HELLS: variants seen among roughly 807,000 people sequenced by gnomAD.
The protein encoded by HELLS is lymphoid-specific helicase.
Under a neutral mutation model 120.0 loss-of-function variants are expected in HELLS, and 32 were observed. The observed-to-expected ratio is 0.27, with a 90% CI of 0.20 to 0.36. The LOEUF is 0.36. HELLS is among the 10% of genes least tolerant of loss of function. The pLI, the probability that HELLS is intolerant of heterozygous loss-of-function variation, is 1.00. For missense variants in HELLS, 650 were observed against 993.4 expected, an observed-to-expected ratio of 0.65 and a Z score of 4.65; for synonymous variants, 341 against 323.4, an observed-to-expected ratio of 1.05 and a Z score of -0.58.
At chr10:94,547,590 A>G (rs1842799476) in intron 2 of HELLS, among the ~76,000 whole-genome samples, 1 of 152,216 alleles carries the variant, frequency 6.6e-6, no homozygotes. Context: ...TTACTCATTG[A>G]ATCCTCAACT....
Position 94,562,812 on chromosome 10 carries a change from T to G in HELLS, c.371T>G (p.Val124Gly). 6.4e-7 allele frequency: 1 copy of G among 1,559,216 alleles called. No individual in the cohort carries two copies. The highest frequency in any genetic ancestry group is 8.8e-7 in the Non-Finnish European group (1 of 1,140,678). Residue 124 changes from valine to glycine, a missense_variant and splice_region_variant, in exon 6 of 22, where the codon GTT (valine) becomes GGT (glycine). Val to Gly is a moderately radical substitution (Grantham distance 109). Coordinates refer to ENST00000348459, the MANE Select transcript of HELLS (RefSeq NM_018063.5). Reference sequence around the variant, plus strand: ...TCAAAAATAAAATTTTTTTTTATAGTTATGAGGAAAAAAAGAGGAAGAGAA... The same window carrying G: ...TCAAAAATAAAATTTTTTTTTATAGGTATGAGGAAAAAAAGAGGAAGAGAA... ...NSIDASEEKP[V>G]MRKKRGREDE...
chr10:94,611,015 A>G (rs1230804019), exon 10 of HELLS: 5 of 152,236 alleles, frequency 3.3e-5, no homozygotes. Context: ...TTTCAGTGAC[A>G]TTATGTCATT....
chr10:94,549,631 A>G (rs1842890117), intron 2 of HELLS, among the ~76,000 whole-genome samples: 1 of 152,102 alleles, frequency 6.6e-6, no homozygotes, highest in Admixed American at 6.6e-5. Flanking sequence ...GTTGGGAGAG[A>G]TAATGGGGTA....
At chr10:94,585,284 G>A (rs377048760) in intron 12 of HELLS, among the ~76,000 whole-genome samples, 1 of 149,400 alleles carries the variant, frequency 6.7e-6, no homozygotes, top group Non-Finnish European at 1.5e-5. Flanking sequence ...AAATTAAAAA[G>A]TAAGAAGTAA....
downstream of HELLS, among the ~76,000 whole-genome samples, chr10:94,603,948 C>T (rs904891069): frequency 6.6e-6 from 1 of 152,070 alleles, no homozygotes; most frequent in Admixed American, 6.5e-5. Flanking sequence ...CTACCTCAGC[C>T]TCCTGAGCAG....
intron 6 of HELLS, among the ~76,000 whole-genome samples, chr10:94,566,116 T>G (rs1843784835): frequency 6.6e-6 from 1 of 151,932 alleles, no homozygotes; most frequent in South Asian, 2.1e-4. Flanking sequence ...TGGCCTCGAA[T>G]TTTTGGGCTC....
At chr10:94,611,802 G>C (rs757591682) in exon 10 of HELLS, 3 of 152,168 alleles carry the variant, frequency 2.0e-5, no homozygotes, top group Non-Finnish European at 2.9e-5. Flanking sequence ...TTTGAGGGGA[G>C]GGAAAGAAAC....
chr10:94,595,122 G>C (rs1845679024), intron 19 of HELLS, among the ~76,000 whole-genome samples: 1 of 152,058 alleles, frequency 6.6e-6, no homozygotes, highest in Admixed American at 6.6e-5. Context: ...CAGCTACTCA[G>C]GAAGCTGAGG....
At chr10:94,604,219 G>C (rs1404166312), downstream of HELLS, among the ~76,000 whole-genome samples, 1 of 151,376 alleles carries the variant, frequency 6.6e-6, no homozygotes, top group Non-Finnish European at 1.5e-5. Context: ...CTGCCCCCCG[G>C]GTTTAAGTGA....
rs1307300644 is a variant in HELLS at position 94,554,176 on chromosome 10, T to G, written c.204T>G (p.Leu68=). 16 of 1,583,066 alleles carry G rather than the reference T, an allele frequency of 1.0e-5. No individual in the cohort carries two copies. The highest frequency in any genetic ancestry group is 1.4e-5 in the African/African-American group (1 of 72,976). The part of the protein sequence containing the change: ...RESTEIRYRR[L]QHLLEKSNIY... ...CGACAGAAATTCGGTACCGTAGACTTCAACATTTGCTTGAAAAAAGCAATA... is the reference window on the plus strand; with the variant it reads ...CGACAGAAATTCGGTACCGTAGACTGCAACATTTGCTTGAAAAAAGCAATA... Residue 68 remains leucine (L), a synonymous_variant, in exon 3 of 22, where the codon CTT becomes CTG. Transcript: ENST00000348459.
chr10:94,595,090 C>T (rs1445530931), intron 19 of HELLS, among the ~76,000 whole-genome samples: 3 of 151,268 alleles, frequency 2.0e-5, no homozygotes, highest in African/African-American at 4.9e-5. Context: ...TAGCTGGGCT[C>T]GGTGGCGGGC....
chr10:94,591,284 T>C (rs1463858947), intron 15 of HELLS, among the ~76,000 whole-genome samples: 1 of 152,242 alleles, frequency 6.6e-6, no homozygotes, highest in African/African-American at 2.4e-5. Flanking sequence ...AATATTTGGC[T>C]TATCAAAATC....
intron 7 of HELLS, among the ~76,000 whole-genome samples, chr10:94,573,348 A>G (rs1314914051): frequency 6.6e-6 from 1 of 152,230 alleles, no homozygotes; most frequent in Non-Finnish European, 1.5e-5. Flanking sequence ...TTAATAAATT[A>G]TTGAGTATCA....
chr10:94,583,108 A>G, intron 12 of HELLS, 49 bp downstream of exon 12: 1 of 1,035,046 alleles, frequency 9.7e-7, no homozygotes, highest in South Asian at 1.6e-5. Context: ...GATAGAGTAT[A>G]AAAGGAACTC....
chr10:94,571,298 C>A, intron 6 of HELLS, 90 bp from the exon 7 acceptor site: 2 of 1,070,614 alleles, frequency 1.9e-6, no homozygotes, highest in Non-Finnish European at 1.3e-6. Context: ...CATTTCCTGG[C>A]AAAATGAGCA....
At chr10:94,575,986 G>C (rs1012772714) in intron 9 of HELLS, among the ~76,000 whole-genome samples, 1 of 152,036 alleles carries the variant, frequency 6.6e-6, no homozygotes, top group African/African-American at 2.4e-5. Context: ...TAGTAGTGAC[G>C]GGGTTTCTCC....
In HELLS at chr10:94,554,159, A is replaced by G. The variant is rs1438287151; in HGVS notation, c.187A>G (p.Ile63Val). 1 of 1,580,896 alleles carries G rather than the reference A, an allele frequency of 6.3e-7. No homozygotes were observed. The highest frequency in any genetic ancestry group is 8.5e-7 in the Non-Finnish European group (1 of 1,170,180). Residue 63 changes from isoleucine to valine, a missense_variant, in exon 3 of 22, where the codon ATT (isoleucine) becomes GTT (valine). Physicochemically the swap from Ile to Val is conservative, Grantham distance 29. Around this residue, in one of 9 missense-constraint regions of HELLS, gnomAD observed 90 missense variants for 93.6 expected, o/e 0.96. Transcript: ENST00000348459. ...GTCTTGGGATAGAGAGTCGACAGAAATTCGGTACCGTAGACTTCAACATTT... is the reference window on the plus strand; with the variant it reads ...GTCTTGGGATAGAGAGTCGACAGAAGTTCGGTACCGTAGACTTCAACATTT... ...RMSWDRESTEIRYRRLQHLLE... is the reference protein window; with the variant it reads ...RMSWDRESTEVRYRRLQHLLE...
At chr10:94,546,084 A>G in intron 1 of HELLS, 132 bp downstream of exon 1, 1 of 1,087,656 alleles carries the variant, frequency 9.2e-7, no homozygotes, top group Non-Finnish European at 1.4e-6. Context: ...GAGGGTTGGG[A>G]AACTGCAACG....
downstream of HELLS, among the ~76,000 whole-genome samples, chr10:94,604,748 G>T (rs981783308): frequency 1.3e-5 from 2 of 151,890 alleles, no homozygotes; most frequent in Non-Finnish European, 2.9e-5. Flanking sequence ...CTTTAGATAA[G>T]CCATGGAATA....
Sources: allele counts gnomAD v4.1 joint callset (sites outside exome capture counted in the v4.1 genomes callset), GRCh38; gene constraint gnomAD v4.1.1; regional missense constraint gnomAD v4.1.1; transcripts MANE v1.5; gene names NCBI Gene and HGNC (gene_info 2026-07-23, HGNC 2026-07-21).